Variants in PLXNA4 observed in about 807,000 individuals in gnomAD.
PLXNA4 encodes the protein plexin A4, also known as plexin-A4.
A neutral mutation model predicts 191.8 loss-of-function variants in PLXNA4; 44 were observed. The observed-to-expected ratio is 0.23, with a 90% CI of 0.18 to 0.29. The LOEUF (loss-of-function observed/expected upper bound fraction) is 0.29. Among genes scored for constraint, PLXNA4 ranks in the 10% least tolerant of loss-of-function variants. PLXNA4 has a pLI of 1.00. For synonymous variants in PLXNA4, 1,082 were observed against 1,009.5 expected (o/e 1.07, Z -1.36); for missense variants, 1,800 against 2,488.8 (o/e 0.72, Z 5.89).
chr7:132,423,117 C>T (rs1410039421), intron 3 of PLXNA4, among the ~76,000 whole-genome samples: 1 of 152,204 alleles, frequency 6.6e-6, no homozygotes, highest in Non-Finnish European at 1.5e-5. Context: ...CCAGCCTCCT[C>T]CTGTGCGAAC....
At chr7:132,140,231 T>C (rs1321469199) in intron 30 of PLXNA4, among the ~76,000 whole-genome samples, 3 of 152,214 alleles carry the variant, frequency 2.0e-5, no homozygotes, top group Admixed American at 1.3e-4. Context: ...AGCAATGATG[T>C]AGTTTGGCCC....
intron 3 of PLXNA4, among the ~76,000 whole-genome samples, chr7:132,432,453 A>AT (rs1175941642): frequency 6.6e-6 from 1 of 152,104 alleles, no homozygotes; most frequent in African/African-American, 2.4e-5. Flanking sequence ...AGGCAATCAT[A>AT]TTTTTCTAGT....
chr7:132,344,137 T>A (rs935927591), intron 3 of PLXNA4, among the ~76,000 whole-genome samples: 16 of 152,264 alleles, frequency 1.1e-4, no homozygotes, highest in African/African-American at 3.9e-4. Context: ...GTTAAATGCC[T>A]TCTGGAAAGC....
intron 2 of PLXNA4, among the ~76,000 whole-genome samples, chr7:132,497,659 C>G (rs1181373774): frequency 1.3e-5 from 2 of 152,296 alleles, no homozygotes; most frequent in South Asian, 4.2e-4. Flanking sequence ...CCTAGCCCTC[C>G]CCAGAAGGTC....
In PLXNA4 at chr7:132,181,430, C is replaced by A; in HGVS notation, c.3443G>T (p.Gly1148Val). ...CTTGAGCTCCAGGATTCCTGAGGGACCAAAGGCCTCAAACACCGGGTTGGG... is the reference window on the plus strand; with the variant it reads ...CTTGAGCTCCAGGATTCCTGAGGGAACAAAGGCCTCAAACACCGGGTTGGG... ...YYPNPVFEAF[G>V]PSGILELKPG... is the part of the protein sequence containing the mutation. Residue 1148 changes from glycine to valine, a missense_variant, in exon 18 of 32, where the codon GGT becomes GTT. Gly to Val is a moderately radical substitution (Grantham distance 109). Coordinates refer to ENST00000321063, the MANE Select transcript of PLXNA4 (RefSeq NM_020911.2). 2 of 1,614,074 alleles carry A rather than the reference C, an allele frequency of 1.2e-6. No individual in the cohort carries two copies. The highest frequency in any genetic ancestry group is 1.7e-6 in the Non-Finnish European group (2 of 1,180,010).
intron 14 of PLXNA4, among the ~76,000 whole-genome samples, chr7:132,192,377 T>A (rs1797118756): frequency 6.6e-6 from 1 of 151,170 alleles, no homozygotes; most frequent in African/African-American, 2.4e-5. Flanking sequence ...AGGTGATCAA[T>A]GGCTGTCAGT....
chr7:132,380,663 C>T (rs1049419182), intron 3 of PLXNA4, among the ~76,000 whole-genome samples: 2 of 152,148 alleles, frequency 1.3e-5, no homozygotes, highest in Admixed American at 6.5e-5. Flanking sequence ...GTATCAGGAG[C>T]AGGGCCTCAC....
At chr7:132,235,838 G>GCTATCAC (rs1798681409) in intron 5 of PLXNA4, among the ~76,000 whole-genome samples, 1 of 152,188 alleles carries the variant, frequency 6.6e-6, no homozygotes, top group Non-Finnish European at 1.5e-5. Context: ...CCCAGGACAG[G>GCTATCAC]AGATAGCTGT....
chr7:132,130,423 A>T lies in PLXNA4; in HGVS notation c.*56T>A. On this transcript the variant is annotated 3_prime_UTR_variant, in exon 32 of 32. Coordinates refer to ENST00000321063, the MANE Select transcript of PLXNA4 (RefSeq NM_020911.2). Reference sequence around the variant, plus strand: ...TTGCACTTGGTAAAGATGATAATCTAGACTGAGGCACGGCTTGGTGTGTCC... The same window carrying T: ...TTGCACTTGGTAAAGATGATAATCTTGACTGAGGCACGGCTTGGTGTGTCC... 1 of 1,613,158 alleles carries T rather than the reference A, an allele frequency of 6.2e-7. No individual in the cohort carries two copies. Among genetic ancestry groups the T allele is most frequent in the Admixed American group, 1.7e-5 (1 of 59,988 alleles).
rs1280410106 is a variant in PLXNA4, at chr7:132,508,704, G to A, written c.-11C>T. On this transcript the variant is annotated 5_prime_UTR_variant, in exon 2 of 32. Transcript: ENST00000321063. This position sits in a 1 kb window ranked among gnomAD's most constrained non-coding sequence, Gnocchi z 4.4. ...GGGCATGGCTTTCATGGCAGAGGCG[G>A]GTCCCAGTGGCACAGCAGCACTCAG... The A allele has an allele frequency of 4.7e-6, 7 of 1,492,826 alleles. No homozygotes were observed. In the East Asian group the frequency reaches 1.7e-4, roughly 37 times the overall value. The allele number at this position is 1,492,826 out of a possible 1,614,324, so 92.5% of individuals were successfully genotyped here. A position where few individuals can be genotyped will look rare whatever the true frequency, so the allele number is the denominator to read the frequency against.
chr7:132,185,264 C>T (rs1240798008), intron 16 of PLXNA4, 35 bp downstream of exon 16: 1 of 1,582,582 alleles, frequency 6.3e-7, no homozygotes, highest in Admixed American at 1.7e-5. Context: ...AACAGAGGTG[C>T]AGAAGCATTA....
At chr7:132,423,803 T>C (rs375587343) in intron 3 of PLXNA4, among the ~76,000 whole-genome samples, 2 of 152,198 alleles carry the variant, frequency 1.3e-5, no homozygotes, top group East Asian at 3.9e-4. Flanking sequence ...TTTTTCTTCA[T>C]CCCTGTTTTG....
chr7:132,523,376 A>G (rs1799266936), intron 1 of PLXNA4, among the ~76,000 whole-genome samples: 1 of 152,182 alleles, frequency 6.6e-6, no homozygotes, highest in Non-Finnish European at 1.5e-5. Flanking sequence ...CTGAATGGCC[A>G]GGGGGAGCCA....
intron 2 of PLXNA4, among the ~76,000 whole-genome samples, chr7:132,598,625 A>C (rs1340095666): frequency 6.6e-6 from 1 of 152,046 alleles, no homozygotes; most frequent in Admixed American, 6.5e-5. Context: ...TTTCATTTGG[A>C]GTTCTCATCG....
At position 132,256,278 on chromosome 7, in the gene PLXNA4, A is replaced by G. The variant is rs184353156; in HGVS notation, c.1504-15112T>C. Among the ~76,000 whole-genome samples, 13 of 152,390 alleles carry G rather than the reference A, an allele frequency of 8.5e-5. No homozygotes were observed. In the East Asian group the frequency reaches 1.7e-3, roughly 20 times the overall value. Reference sequence around the variant, plus strand: ...CTGCAGGATACAGGGCTGAGGCAGCAGCAAGAAAACGGATGTGACAATTCA... The same window carrying G: ...CTGCAGGATACAGGGCTGAGGCAGCGGCAAGAAAACGGATGTGACAATTCA... On this transcript the variant is annotated intron_variant, in intron 4 of 31. Coordinates refer to ENST00000321063, the MANE Select transcript of PLXNA4 (RefSeq NM_020911.2).
At chr7:132,287,743 C>A (rs936746209) in intron 4 of PLXNA4, among the ~76,000 whole-genome samples, 3 of 152,170 alleles carry the variant, frequency 2.0e-5, no homozygotes, top group Non-Finnish European at 4.4e-5. Context: ...TGGGCTGCTA[C>A]CCTGCCTACT....
chr7:132,473,647 G>T (rs1797013500), intron 3 of PLXNA4, among the ~76,000 whole-genome samples: 1 of 152,126 alleles, frequency 6.6e-6, no homozygotes, highest in African/African-American at 2.4e-5. Flanking sequence ...GATAGTGATG[G>T]CAAATAAATA....
chr7:132,146,137 G>C (rs1187368278), intron 28 of PLXNA4, among the ~76,000 whole-genome samples: 1 of 150,012 alleles, frequency 6.7e-6, no homozygotes, highest in Non-Finnish European at 1.5e-5. Context: ...TCGTGATGGA[G>C]CCCCGACTTC....
At chr7:132,409,176 C>T (rs2341824) in intron 3 of PLXNA4, among the ~76,000 whole-genome samples, 22,251 of 152,098 alleles carry the variant, frequency 0.15, 3,233 homozygotes, top group African/African-American at 0.36. Context: ...AATGGGGTCG[C>T]GGGCAGCTGC....
Sources: gnomAD v4.1 joint callset for allele counts (sites outside exome capture counted in the v4.1 genomes callset) on GRCh38, gnomAD v4.1.1 for gene constraint, Gnocchi (gnomAD v3.1) non-coding constraint, MANE v1.5 for transcripts, NCBI Gene and HGNC (gene_info 2026-07-23, HGNC 2026-07-21) for gene names.